The following NUP42 variants were observed in gnomAD, a reference collection of about 807,000 sequenced individuals.
NUP42 encodes the protein nucleoporin 42.
In NUP42, 47 loss-of-function variants were observed where a neutral mutation model predicts 35.9. The observed-to-expected ratio is 1.31, with a 90% CI of 1.04 to 1.67. The LOEUF (loss-of-function observed/expected upper bound fraction) is 1.67. Ranked by LOEUF, NUP42 falls within the 40% of genes most tolerant of loss-of-function variation. The probability of loss-of-function intolerance (pLI) is 0.00; values close to 1 mark genes in which losing one functional copy is unlikely to be tolerated. For missense variants in NUP42, 514 were observed against 492.2 expected (o/e 1.04, Z -0.42); for synonymous variants, 173 against 173.3 (o/e 1.00, Z 0.01).
At chr7:23,185,981 C>A (rs185632026) in intron 2 of NUP42, among the ~76,000 whole-genome samples, 179 of 152,242 alleles carry the variant, frequency 1.2e-3, no homozygotes, top group African/African-American at 4.0e-3. Flanking sequence ...CTCAAGTGAT[C>A]TGCCTGCCTC....
Position 23,200,483 on chromosome 7 carries a change from G to T in NUP42, c.1010G>T (p.Gly337Val), listed in dbSNP as rs80001203. 3 of 1,614,056 alleles carry T rather than the reference G, an allele frequency of 1.9e-6. No individual in the cohort carries two copies. The African/African-American group carries it at 4.0e-5, about 22-fold the overall frequency. ...PVRAPVAPAF[G>V]GGSSVAGFGS... ...AGAGCTCCAGTGGCCCCAGCCTTTG[G>T]AGGTGGCAGTTCTGTGGCTGGTTTT... Residue 337 changes from glycine (G) to valine (V), a missense_variant, in exon 7 of 7, where the codon GGA becomes GTA. Gly to Val is a moderately radical substitution (Grantham distance 109). Transcript: ENST00000258742.
At chr7:23,193,065 C>A (rs575553212) in intron 3 of NUP42, among the ~76,000 whole-genome samples, 22 of 152,050 alleles carry the variant, frequency 1.4e-4, no homozygotes, top group Admixed American at 1.2e-3. Context: ...AGTGTTACGG[C>A]TCTTAAGGCG....
At chr7:23,188,143 G>A (rs942958268) in intron 3 of NUP42, 42 of 1,316,180 alleles carry the variant, frequency 3.2e-5, no homozygotes, top group South Asian at 4.8e-5. Flanking sequence ...CTTGCAAATG[G>A]GAGCTCTTGC....
chr7:23,199,487 A>G lies in NUP42; in HGVS notation c.639A>G (p.Gln213=), dbSNP rs1415725626. The G allele has an allele frequency of 6.2e-7, 1 of 1,614,056 alleles. No homozygotes were observed. The highest frequency in any genetic ancestry group is 1.7e-5 in the Admixed American group (1 of 60,008). The change falls in exon 6 of 7, where the codon CAA becomes CAG. Residue 213 remains glutamine, a synonymous_variant. Transcript: ENST00000258742. The part of the protein sequence containing the change: ...LLSDVKDGVN[Q]AAPAFGFGSS... Reference sequence around the variant, plus strand: ...CTGATGTAAAGGATGGAGTAAATCAAGCAGCACCTGCATTTGGATTTGGCA... The same window carrying G: ...CTGATGTAAAGGATGGAGTAAATCAGGCAGCACCTGCATTTGGATTTGGCA...
chr7:23,188,656 A>G (rs1785686251), intron 3 of NUP42: 1 of 538,112 alleles, frequency 1.9e-6, no homozygotes, highest in Non-Finnish European at 2.4e-6. Context: ...TTATACTAAA[A>G]AAAGTATTTA....
intron 1 of NUP42, chr7:23,182,409 C>A: frequency 7.2e-7 from 1 of 1,386,824 alleles, no homozygotes; most frequent in Non-Finnish European, 9.3e-7. Flanking sequence ...TATTGAGCTT[C>A]TGAGGACCTG....
At chr7:23,182,261 G>T in intron 1 of NUP42, 55 bp downstream of exon 1, 1 of 1,544,748 alleles carries the variant, frequency 6.5e-7, no homozygotes. Flanking sequence ...TCCGCCGGCG[G>T]GGACCGGGCG....
chr7:23,186,549 G>A (rs1785603397), intron 2 of NUP42, among the ~76,000 whole-genome samples: 2 of 152,168 alleles, frequency 1.3e-5, no homozygotes, highest in Admixed American at 1.3e-4. Flanking sequence ...AATGATCTCT[G>A]AAGTCCTATA....
At chr7:23,186,878 T>A (rs1785612632) in intron 2 of NUP42, among the ~76,000 whole-genome samples, 174 bp from the exon 3 acceptor site, 1 of 152,190 alleles carries the variant, frequency 6.6e-6, no homozygotes, top group African/African-American at 2.4e-5. Flanking sequence ...TTTGTAACCA[T>A]GAAATATAGT....
At chr7:23,196,382 T>A (rs760820529) in intron 4 of NUP42, 1 of 300,294 alleles carries the variant, frequency 3.3e-6, no homozygotes, top group East Asian at 7.6e-5. Context: ...TCTACAGTCA[T>A]GATCATGCAT....
chr7:23,182,780 GGC>G (rs1481191959), intron 1 of NUP42, among the ~76,000 whole-genome samples: 2 of 149,646 alleles, frequency 1.3e-5, no homozygotes, highest in Non-Finnish European at 3.0e-5. Flanking sequence ...CGGGCGTGGT[GGC>G]GCGCGCCTGT....
At chr7:23,182,237 C>G (rs778392488) in intron 1 of NUP42, 31 bp downstream of exon 1, 1 of 1,575,570 alleles carries the variant, frequency 6.3e-7, no homozygotes, top group South Asian at 1.1e-5. Context: ...CCGCGGTAAC[C>G]GAGCCGGGAA....
chr7:23,188,144 G>A, intron 3 of NUP42: 1 of 1,315,852 alleles, frequency 7.6e-7, no homozygotes, highest in Non-Finnish European at 9.8e-7. Flanking sequence ...TTGCAAATGG[G>A]AGCTCTTGCA....
At chr7:23,199,332 G>A (rs1279307115) in intron 5 of NUP42, 126 bp from the exon 6 acceptor site, 4 of 726,550 alleles carry the variant, frequency 5.5e-6, no homozygotes, top group African/African-American at 1.8e-5. Context: ...GATTACAGGT[G>A]TGAGCCACCA....
chr7:23,200,130 A>T, intron 6 of NUP42, 38 bp from the exon 7 acceptor site: 4 of 1,363,316 alleles, frequency 2.9e-6, no homozygotes, highest in Non-Finnish European at 4.0e-6. Context: ...ACCGTAATAG[A>T]TTTTTGTTGT....
chr7:23,188,686 A>G (rs1250036456), intron 3 of NUP42: 2 of 395,736 alleles, frequency 5.1e-6, no homozygotes, highest in African/African-American at 4.4e-5. Context: ...TGAAATTCAA[A>G]TTTAACTGGG....
Position 23,192,560 on chromosome 7 carries a change from AAAAG to A in NUP42, c.446-3275_446-3272del, listed in dbSNP as rs1342828591. Among the ~76,000 whole-genome samples, 1,414 of 151,352 alleles carry A rather than the reference AAAAG, an allele frequency of 9.3e-3. 23 individuals carry two copies. The highest frequency in any genetic ancestry group is 0.033 in the African/African-American group (1,346 of 40,848). ...AGACTTCATCTCAAAAAAAAAAAAA[AAAAG>A]AAAAAGAAAATCATAAGGATAAGAA... On this transcript the variant is annotated intron_variant, in intron 3 of 6. Coordinates refer to ENST00000258742, the MANE Select transcript of NUP42 (RefSeq NM_007342.3).
At chr7:23,184,957 G>T (rs1467368407) in intron 1 of NUP42, 113 bp from the exon 2 acceptor site, 5 of 839,182 alleles carry the variant, frequency 6.0e-6, no homozygotes, top group Non-Finnish European at 9.1e-6. Flanking sequence ...AGTGAGCCAA[G>T]ATCATGCCAC....
intron 5 of NUP42, 33 bp downstream of exon 5, chr7:23,196,799 T>C: frequency 7.1e-7 from 1 of 1,398,812 alleles, no homozygotes; most frequent in East Asian, 2.3e-5. Context: ...GAGGGAAGTG[T>C]CTTACCTATT....
Sources: gnomAD v4.1 joint callset for allele counts (sites outside exome capture counted in the v4.1 genomes callset) on GRCh38, gnomAD v4.1.1 for gene constraint, MANE v1.5 for transcripts, NCBI Gene and HGNC (gene_info 2026-07-23, HGNC 2026-07-21) for gene names.